The following NTN4 variants were observed in gnomAD, a reference collection of about 807,000 sequenced individuals.
The protein encoded by NTN4 is netrin 4.
Under a neutral mutation model 73.6 loss-of-function variants are expected in NTN4, and 32 were observed. The observed-to-expected ratio is 0.44, with a 90% CI of 0.33 to 0.58. The LOEUF is 0.58. NTN4 is among the 20% of genes least tolerant of loss of function. NTN4 has a pLI of 0.04. For synonymous variants in NTN4, 258 were observed against 287.5 expected (o/e 0.90, Z 1.04); for missense variants, 654 against 798.3 (o/e 0.82, Z 2.18).
At chr12:95,679,450 C>CTCT (rs1225181866) in intron 7 of NTN4, among the ~76,000 whole-genome samples, 1 of 152,166 alleles carries the variant, frequency 6.6e-6, no homozygotes, top group African/African-American at 2.4e-5. Context: ...ATAACTGCTA[C>CTCT]TCTTCCAGTC....
chr12:95,675,876 GA>G (rs1178124375), intron 7 of NTN4, among the ~76,000 whole-genome samples: 1 of 152,090 alleles, frequency 6.6e-6, no homozygotes, highest in African/African-American at 2.4e-5. Flanking sequence ...AGGAGGCTGG[GA>G]AAAAACAATA....
At chr12:95,659,668 G>A (rs1324564249) in intron 9 of NTN4, among the ~76,000 whole-genome samples, 2 of 152,136 alleles carry the variant, frequency 1.3e-5, no homozygotes, top group East Asian at 1.9e-4. Flanking sequence ...CATTTAGTAA[G>A]CATTTACTAT....
chr12:95,727,140 T>A (rs2078700882), intron 3 of NTN4, among the ~76,000 whole-genome samples: 1 of 151,982 alleles, frequency 6.6e-6, no homozygotes, highest in African/African-American at 2.4e-5. Flanking sequence ...GGTATCACAA[T>A]ATCGTTTTGA....
At chr12:95,740,401 G>A (rs570599638) in intron 2 of NTN4, among the ~76,000 whole-genome samples, 10 of 152,134 alleles carry the variant, frequency 6.6e-5, no homozygotes, top group African/African-American at 2.2e-4. Context: ...GGAAGGGAAT[G>A]TATCTATAGG....
At chr12:95,756,605 C>T (rs1288418157) in intron 2 of NTN4, among the ~76,000 whole-genome samples, 1 of 152,144 alleles carries the variant, frequency 6.6e-6, no homozygotes, top group African/African-American at 2.4e-5. Context: ...TTCCTATCAC[C>T]ATGCTCGGCC....
chr12:95,708,124 G>A (rs1242663396), intron 5 of NTN4, among the ~76,000 whole-genome samples: 1 of 152,048 alleles, frequency 6.6e-6, no homozygotes, highest in African/African-American at 2.4e-5. Flanking sequence ...TTTTAAGGAA[G>A]TAATTATCTT....
intron 3 of NTN4, among the ~76,000 whole-genome samples, chr12:95,721,845 T>C (rs1021400601): frequency 6.6e-6 from 1 of 152,214 alleles, no homozygotes; most frequent in Admixed American, 6.5e-5. Flanking sequence ...AGTTCATCTG[T>C]GCCATGGCAT....
chr12:95,704,139 AG>A (rs2078506912), intron 5 of NTN4, among the ~76,000 whole-genome samples: 1 of 152,172 alleles, frequency 6.6e-6, no homozygotes, highest in African/African-American at 2.4e-5. Context: ...GTAGGATCAG[AG>A]GTTCTGAATT....
intron 5 of NTN4, among the ~76,000 whole-genome samples, chr12:95,692,700 C>G (rs1454565010): frequency 1.3e-5 from 2 of 152,086 alleles, no homozygotes; most frequent in African/African-American, 4.8e-5. Context: ...ATCACAAAGG[C>G]TGACAATAAA....
At chr12:95,673,138 C>A in intron 7 of NTN4, 1 of 777,682 alleles carries the variant, frequency 1.3e-6, no homozygotes, top group East Asian at 3.4e-5. Flanking sequence ...CTCATCCCTC[C>A]TGCACACGCC....
At chr12:95,756,809 G>A (rs1043962449) in intron 2 of NTN4, among the ~76,000 whole-genome samples, 1 of 151,394 alleles carries the variant, frequency 6.6e-6, no homozygotes, top group East Asian at 1.9e-4. Context: ...AAAGCTCCAT[G>A]AACTTGCTGC....
At chr12:95,767,810 G>C (rs2079030386) in intron 2 of NTN4, among the ~76,000 whole-genome samples, 1 of 152,072 alleles carries the variant, frequency 6.6e-6, no homozygotes, top group Non-Finnish European at 1.5e-5. Flanking sequence ...ATCTAAATGG[G>C]AACCCTTTGT....
chr12:95,661,659 T>C (rs1022254050), intron 9 of NTN4, among the ~76,000 whole-genome samples: 1 of 152,228 alleles, frequency 6.6e-6, no homozygotes, highest in Admixed American at 6.5e-5. Flanking sequence ...TAATGGACTC[T>C]AGCCAAAATG....
intron 2 of NTN4, among the ~76,000 whole-genome samples, chr12:95,741,603 T>C (rs2121188917): frequency 7.1e-6 from 1 of 141,556 alleles, no homozygotes; most frequent in East Asian, 2.0e-4. Context: ...ATATAGCCAC[T>C]CAAGCTTTCT....
chr12:95,672,049 G>T (rs919047952), intron 7 of NTN4, among the ~76,000 whole-genome samples: 3 of 145,390 alleles, frequency 2.1e-5, no homozygotes, highest in African/African-American at 7.7e-5. Flanking sequence ...AGCCAGGTGT[G>T]GTGACTCATG....
At chr12:95,684,828 G>T (rs7961560) in intron 5 of NTN4, among the ~76,000 whole-genome samples, 2,653 of 152,124 alleles carry the variant, frequency 0.017, 65 homozygotes, top group African/African-American at 0.056. Context: ...TCACAAATTC[G>T]TGAGCCCTAA....
chr12:95,662,775 A>G (rs1027831606), intron 9 of NTN4, among the ~76,000 whole-genome samples: 1 of 152,214 alleles, frequency 6.6e-6, no homozygotes, highest in Non-Finnish European at 1.5e-5. Context: ...TATAATGTCT[A>G]AAATAATAAA....
intron 2 of NTN4, among the ~76,000 whole-genome samples, chr12:95,783,934 T>G (rs2079149442): frequency 6.6e-6 from 1 of 152,158 alleles, no homozygotes; most frequent in Admixed American, 6.5e-5. Flanking sequence ...TCTTTAGACA[T>G]GAAGCTCCAG....
At chr12:95,682,860 AT>A in intron 6 of NTN4, 38 bp from the exon 7 acceptor site, 2 of 1,249,680 alleles carry the variant, frequency 1.6e-6, no homozygotes, top group Non-Finnish European at 2.3e-6. Flanking sequence ...GTATTCAGGA[AT>A]TTTTTAGAAC....
Sources: gnomAD v4.1 joint callset for allele counts (sites outside exome capture counted in the v4.1 genomes callset) on GRCh38, gnomAD v4.1.1 for gene constraint, MANE v1.5 for transcripts, NCBI Gene and HGNC (gene_info 2026-07-23, HGNC 2026-07-21) for gene names.